The following LGSN variants were observed in gnomAD, a reference collection of about 807,000 sequenced individuals.
LGSN encodes the protein lengsin.
A neutral mutation model predicts 19.5 loss-of-function variants in LGSN; 21 were observed. The observed-to-expected ratio is 1.07, with a 90% CI of 0.76 to 1.55. The LOEUF (loss-of-function observed/expected upper bound fraction) is 1.55. Ranked by LOEUF, LGSN falls within the 40% of genes most tolerant of loss-of-function variation. LGSN has a pLI of 0.00. For synonymous variants in LGSN, 257 were observed against 215.6 expected, an observed-to-expected ratio of 1.19 and a Z score of -1.68; for missense variants, 673 against 608.5, an observed-to-expected ratio of 1.11 and a Z score of -1.12.
At chr6:63,381,287 A>T in the LGSN span, among the ~76,000 whole-genome samples, 1 of 152,240 alleles carries the variant, frequency 6.6e-6, no homozygotes, top group Non-Finnish European at 1.5e-5. Context: ...ACTTTTCTGC[A>T]ATCTGTATGC....
At chr6:63,427,564 T>A in the LGSN span, among the ~76,000 whole-genome samples, 3 of 152,216 alleles carry the variant, frequency 2.0e-5, no homozygotes, top group African/African-American at 7.2e-5. Flanking sequence ...TTGAAATGTT[T>A]GGAAAACAAA....
chr6:63,505,567 A>AAAGAAAGAAAGAGAAAGAAAGAAAGAAAT, the LGSN span, among the ~76,000 whole-genome samples: 1 of 32,344 alleles, frequency 3.1e-5, no homozygotes, highest in African/African-American at 7.8e-5. Flanking sequence ...AAAAAAAAAA[A>AAAGAAAGAAAGAGAAAGAAAGAAAGAAAT]AGAAAGAAAG....
At chr6:63,469,472 G>C in the LGSN span, among the ~76,000 whole-genome samples, 1 of 152,114 alleles carries the variant, frequency 6.6e-6, no homozygotes, top group African/African-American at 2.4e-5. Context: ...AGTGGACCAG[G>C]ACCACCAATA....
At chr6:63,411,853 G>GA in the LGSN span, among the ~76,000 whole-genome samples, 123 of 151,204 alleles carry the variant, frequency 8.1e-4, no homozygotes, top group Middle Eastern at 0.01. Context: ...TCTCAAAAAA[G>GA]AAAAAAAATT....
chr6:63,513,275 C>A, the LGSN span, among the ~76,000 whole-genome samples: 1 of 152,328 alleles, frequency 6.6e-6, no homozygotes, highest in African/African-American at 2.4e-5. Context: ...CCTCCAGAAG[C>A]CTCCTATGCA....
the LGSN span, among the ~76,000 whole-genome samples, chr6:63,361,898 C>T: frequency 6.6e-6 from 1 of 152,126 alleles, no homozygotes; most frequent in Non-Finnish European, 1.5e-5. Flanking sequence ...CTGTCAACTT[C>T]AATGATCATT....
the LGSN span, among the ~76,000 whole-genome samples, chr6:63,520,241 C>A: frequency 6.6e-6 from 1 of 152,104 alleles, no homozygotes; most frequent in African/African-American, 2.4e-5. Context: ...TTATGTGATT[C>A]TTATCTTTAA....
chr6:63,460,867 C>T, the LGSN span, among the ~76,000 whole-genome samples: 1 of 152,194 alleles, frequency 6.6e-6, no homozygotes, highest in African/African-American at 2.4e-5. Context: ...GCCCTTGACA[C>T]CCAAAACAGT....
chr6:63,380,733 C>T, the LGSN span, among the ~76,000 whole-genome samples: 1 of 151,852 alleles, frequency 6.6e-6, no homozygotes. Flanking sequence ...ATTCTAGATG[C>T]CAAAAAGGTA....
intron 1 of LGSN, among the ~76,000 whole-genome samples, chr6:63,298,647 A>T (rs1221286049): frequency 6.6e-6 from 1 of 152,208 alleles, no homozygotes; most frequent in Non-Finnish European, 1.5e-5. Context: ...TGTCTATCCC[A>T]TACCTCTACA....
the LGSN span, among the ~76,000 whole-genome samples, chr6:63,416,575 T>A: frequency 6.6e-6 from 1 of 152,134 alleles, no homozygotes; most frequent in African/African-American, 2.4e-5. Context: ...TTTTTGTTGT[T>A]GTTGTTTTTG....
At chr6:63,529,268 C>T in the LGSN span, among the ~76,000 whole-genome samples, 1 of 151,178 alleles carries the variant, frequency 6.6e-6, no homozygotes, top group Non-Finnish European at 1.5e-5. Context: ...TCTAGGTTCT[C>T]TGGAGTCTCA....
At chr6:63,495,789 A>G in the LGSN span, among the ~76,000 whole-genome samples, 1 of 151,986 alleles carries the variant, frequency 6.6e-6, no homozygotes, top group Admixed American at 6.6e-5. Flanking sequence ...TAGTATAAGG[A>G]TCAAGAGAAA....
At chr6:63,556,843 C>T in the LGSN span, among the ~76,000 whole-genome samples, 5 of 152,268 alleles carry the variant, frequency 3.3e-5, no homozygotes, top group African/African-American at 9.6e-5. Flanking sequence ...AATTAGTAAA[C>T]AATCTGTAGC....
the LGSN span, among the ~76,000 whole-genome samples, chr6:63,339,938 A>G: frequency 2.2e-4 from 33 of 151,950 alleles, no homozygotes; most frequent in Admixed American, 2.2e-3. Flanking sequence ...TTTTTTGTAG[A>G]TCCCCTCTAA....
chr6:63,493,676 A>G, the LGSN span, among the ~76,000 whole-genome samples: 1 of 151,538 alleles, frequency 6.6e-6, no homozygotes, highest in Non-Finnish European at 1.5e-5. Context: ...TAGATTCCTC[A>G]ACCATCTCTT....
At chr6:63,378,644 G>A in the LGSN span, among the ~76,000 whole-genome samples, 37 of 152,286 alleles carry the variant, frequency 2.4e-4, no homozygotes, top group African/African-American at 7.7e-4. Flanking sequence ...GAGATCACAC[G>A]TGAGAGAGGA....
chr6:63,293,091 C>A (rs919904777), intron 2 of LGSN, among the ~76,000 whole-genome samples: 12 of 152,130 alleles, frequency 7.9e-5, no homozygotes, highest in Admixed American at 2.0e-4. Context: ...CCTCAACCTC[C>A]TGGGCTCAAG....
the LGSN span, among the ~76,000 whole-genome samples, chr6:63,355,622 G>A: frequency 1.4e-4 from 21 of 152,230 alleles, no homozygotes; most frequent in East Asian, 9.6e-4. Context: ...GCTTCTAGTC[G>A]TTTGCTGGCA....
Sources: gnomAD v4.1 joint callset for allele counts (sites outside exome capture counted in the v4.1 genomes callset) on GRCh38, gnomAD v4.1.1 for gene constraint, MANE v1.5 for transcripts, NCBI Gene and HGNC (gene_info 2026-07-23, HGNC 2026-07-21) for gene names.